The following PKNOX2 variants were observed in gnomAD, a reference collection of about 807,000 sequenced individuals.
PKNOX2 encodes homeobox protein PKNOX2.
A neutral mutation model predicts 53.1 loss-of-function variants in PKNOX2; 14 were observed. The ratio of observed to expected loss-of-function variants is 0.26; its 90% CI spans 0.17 to 0.41. The LOEUF (loss-of-function observed/expected upper bound fraction) is 0.41, where lower values mean the gene tolerates loss of function less well. Among genes scored for constraint, PKNOX2 ranks in the 10% least tolerant of loss-of-function variants. PKNOX2 has a pLI of 1.00. For synonymous variants in PKNOX2, 257 were observed against 242.8 expected, an observed-to-expected ratio of 1.06 and a Z score of -0.54; for missense variants, 496 against 602.8, an observed-to-expected ratio of 0.82 and a Z score of 1.85.
At chr11:125,310,993 T>G (rs1435004571) in intron 2 of PKNOX2, among the ~76,000 whole-genome samples, 2 of 152,160 alleles carry the variant, frequency 1.3e-5, no homozygotes, top group Non-Finnish European at 2.9e-5. Flanking sequence ...GTATTGCTTT[T>G]TAAGAGAACA....
intron 2 of PKNOX2, among the ~76,000 whole-genome samples, chr11:125,308,369 C>G (rs1218607617): frequency 6.6e-6 from 1 of 152,194 alleles, no homozygotes; most frequent in African/African-American, 2.4e-5. Flanking sequence ...GCTTTCCTTT[C>G]CCACCTCTGC....
intron 2 of PKNOX2, among the ~76,000 whole-genome samples, chr11:125,243,843 C>T (rs1311428285): frequency 6.6e-6 from 1 of 152,106 alleles, no homozygotes; most frequent in Non-Finnish European, 1.5e-5. Context: ...AGGATGGTCT[C>T]GATCTCCTGA....
chr11:125,314,991 A>G lies in PKNOX2; in HGVS notation c.-129-16828A>G, dbSNP rs188845333. Among the ~76,000 whole-genome samples the G allele has an allele frequency of 3.4e-3, 513 of 152,274 alleles. 1 individual carries two copies. Among genetic ancestry groups the G allele is most frequent in the Non-Finnish European group, 5.9e-3 (399 of 68,000 alleles). On this transcript the variant is annotated intron_variant, in intron 2 of 12. Coordinates refer to ENST00000298282, the MANE Select transcript of PKNOX2 (RefSeq NM_001382323.2). ...GCTCTCACTGCTCCCCTTTGTGGCC[A>G]GCAAGTCACACCCCTCTGGTCTTCC...
intron 1 of PKNOX2, among the ~76,000 whole-genome samples, chr11:125,216,886 C>T (rs1213941389): frequency 1.3e-5 from 2 of 152,290 alleles, no homozygotes; most frequent in East Asian, 3.9e-4. Context: ...AAGGTGAAGA[C>T]TCCCACTGTT....
At chr11:125,238,035 T>C (rs1002202000) in intron 2 of PKNOX2, among the ~76,000 whole-genome samples, 1 of 152,306 alleles carries the variant, frequency 6.6e-6, no homozygotes, top group African/African-American at 2.4e-5. Flanking sequence ...CTCTGCCACA[T>C]ACTATGTCCT....
At chr11:125,194,265 T>G (rs1346668735) in intron 1 of PKNOX2, among the ~76,000 whole-genome samples, 1 of 152,206 alleles carries the variant, frequency 6.6e-6, no homozygotes, top group Non-Finnish European at 1.5e-5. Context: ...TAAGAGCAGT[T>G]GGCATCCCCT....
At chr11:125,217,335 C>G (rs1319789588) in intron 1 of PKNOX2, among the ~76,000 whole-genome samples, 1 of 152,160 alleles carries the variant, frequency 6.6e-6, no homozygotes, top group African/African-American at 2.4e-5. Flanking sequence ...GCTCTCACTC[C>G]ATGTAGTTTG....
intron 1 of PKNOX2, among the ~76,000 whole-genome samples, chr11:125,186,718 T>C (rs1179859024): frequency 6.6e-6 from 1 of 152,212 alleles, no homozygotes; most frequent in African/African-American, 2.4e-5. Flanking sequence ...TCAATTTTGA[T>C]GAAGTCTAAT....
intron 2 of PKNOX2, among the ~76,000 whole-genome samples, chr11:125,317,033 T>C (rs1269944940): frequency 2.6e-5 from 4 of 152,246 alleles, no homozygotes; most frequent in African/African-American, 7.2e-5. Context: ...TTGTCAACAA[T>C]GTGCACAGTA....
chr11:125,171,187 G>C (rs56243945), intron 1 of PKNOX2, among the ~76,000 whole-genome samples: 1 of 152,092 alleles, frequency 6.6e-6, no homozygotes, highest in Admixed American at 6.5e-5. Flanking sequence ...CCCAGTAATC[G>C]GGCATCATGG....
At chr11:125,396,806 G>A (rs1954437325) in intron 6 of PKNOX2, among the ~76,000 whole-genome samples, 1 of 152,184 alleles carries the variant, frequency 6.6e-6, no homozygotes, top group South Asian at 2.1e-4. Flanking sequence ...AAGATAACAT[G>A]GTGAGCAAAT....
At chr11:125,203,887 T>C (rs1053429765) in intron 1 of PKNOX2, among the ~76,000 whole-genome samples, 2 of 152,160 alleles carry the variant, frequency 1.3e-5, no homozygotes, top group Admixed American at 6.5e-5. Flanking sequence ...TGGGGGAGTC[T>C]TGTGTTAGCT....
At chr11:125,253,711 C>T (rs939810043) in intron 2 of PKNOX2, among the ~76,000 whole-genome samples, 2 of 152,166 alleles carry the variant, frequency 1.3e-5, no homozygotes, top group African/African-American at 2.4e-5. Flanking sequence ...AGCACAGAGC[C>T]TGGCACCTAG....
intron 6 of PKNOX2, among the ~76,000 whole-genome samples, chr11:125,388,150 AC>A (rs757138776): frequency 1.2e-4 from 18 of 151,520 alleles, no homozygotes; most frequent in Non-Finnish European, 1.8e-4. Context: ...GCCCCTTGCC[AC>A]CCCCACCCCT....
intron 5 of PKNOX2, among the ~76,000 whole-genome samples, chr11:125,373,313 G>A (rs1477747971): frequency 2.0e-5 from 3 of 152,240 alleles, no homozygotes; most frequent in East Asian, 3.8e-4. Context: ...AAACAGAGGA[G>A]CCAGCATATG....
At chr11:125,267,969 G>A (rs1412519533) in intron 2 of PKNOX2, among the ~76,000 whole-genome samples, 1 of 152,174 alleles carries the variant, frequency 6.6e-6, no homozygotes, top group Admixed American at 6.5e-5. Flanking sequence ...GAAGAAGGGG[G>A]AAAATGCCAC....
intron 1 of PKNOX2, among the ~76,000 whole-genome samples, chr11:125,212,793 AG>A (rs1396185565): frequency 6.6e-6 from 1 of 151,926 alleles, no homozygotes; most frequent in Non-Finnish European, 1.5e-5. Flanking sequence ...GGCCTTCCCT[AG>A]TTGCTCCCAC....
In PKNOX2 at chr11:125,258,834, C is replaced by T. The variant is rs183429420; in HGVS notation, c.-130+23719C>T. The T allele has an allele frequency of 1.4e-3, 485 of 342,586 alleles. 1 individual carries two copies. The highest frequency in any genetic ancestry group is 3.9e-3 in the Admixed American group (110 of 27,984). The allele number at this position is 342,586 out of a possible 1,614,324, so 21.2% of individuals were successfully genotyped here. On this transcript the variant is annotated intron_variant, in intron 2 of 12. Transcript: ENST00000298282. ...CCTCTTTAACCCAAACCAGAAGTTGCTTTGGGTCCCCTGGGGATGCAGAGA... is the reference window on the plus strand; with the variant it reads ...CCTCTTTAACCCAAACCAGAAGTTGTTTTGGGTCCCCTGGGGATGCAGAGA...
chr11:125,357,611 T>C (rs921609566), intron 4 of PKNOX2, among the ~76,000 whole-genome samples: 1 of 152,098 alleles, frequency 6.6e-6, no homozygotes, highest in Admixed American at 6.5e-5. Context: ...GGGAGGACCT[T>C]ACATGCTCTG....
Sources: allele counts gnomAD v4.1 joint callset (sites outside exome capture counted in the v4.1 genomes callset), GRCh38; gene constraint gnomAD v4.1.1; transcripts MANE v1.5; gene names NCBI Gene and HGNC (gene_info 2026-07-23, HGNC 2026-07-21).